The following SLMAP variants were observed in gnomAD, a reference collection of about 807,000 sequenced individuals.
The protein encoded by SLMAP is sarcolemma associated protein, also known as sarcolemmal membrane-associated protein.
A neutral mutation model predicts 128.8 loss-of-function variants in SLMAP; 44 were observed. That is an observed-to-expected ratio of 0.34 (90% CI 0.27 to 0.44). The LOEUF is 0.44. Among genes scored for constraint, SLMAP ranks in the 20% least tolerant of loss-of-function variants. SLMAP has a pLI of 1.00. For synonymous variants in SLMAP, 327 were observed against 348.8 expected, an observed-to-expected ratio of 0.94 and a Z score of 0.70; for missense variants, 787 against 985.3, an observed-to-expected ratio of 0.80 and a Z score of 2.69.
intron 3 of SLMAP, among the ~76,000 whole-genome samples, chr3:57,832,014 C>T (rs1480717278): frequency 6.6e-6 from 1 of 152,222 alleles, no homozygotes; most frequent in Non-Finnish European, 1.5e-5. Context: ...TTTCCTCACA[C>T]CAGTATCCTA....
Position 57,757,413 on chromosome 3 carries a change from T to C in SLMAP, c.-239T>C. 5 of 564,284 alleles carry C rather than the reference T, an allele frequency of 8.9e-6. No homozygotes were observed. In the South Asian group the frequency reaches 1.0e-4, roughly 12 times the overall value. 35.0% of individuals were successfully genotyped at this position (564,284 alleles called of 1,614,324 possible). A position where few individuals can be genotyped will look rare whatever the true frequency, so the allele number is the denominator to read the frequency against. On this transcript the variant is annotated 5_prime_UTR_variant, in exon 2 of 25. Coordinates refer to ENST00000671191, the MANE Select transcript of SLMAP (RefSeq NM_001377540.1). ...AAGAAGATGGACTGAAAGCTGCCAG[T>C]TGGGGACTTTTTGTGATCACGGCGT... is the stretch of plus-strand genomic sequence containing the variant.
chr3:57,885,142 G>A (rs898711814), intron 14 of SLMAP, among the ~76,000 whole-genome samples: 19 of 149,910 alleles, frequency 1.3e-4, no homozygotes, highest in Admixed American at 8.7e-4. Flanking sequence ...GCACAGTCTC[G>A]GCTCACCACA....
intron 2 of SLMAP, among the ~76,000 whole-genome samples, chr3:57,772,931 C>T (rs1378675707): frequency 2.0e-5 from 3 of 152,122 alleles, no homozygotes; most frequent in African/African-American, 4.8e-5. Flanking sequence ...TGAGCCATCA[C>T]GCCCAGCCTA....
chr3:57,870,221 A>G (rs967150730), intron 13 of SLMAP, among the ~76,000 whole-genome samples: 14 of 152,222 alleles, frequency 9.2e-5, no homozygotes, highest in African/African-American at 3.4e-4. Context: ...ATGTAGTTTG[A>G]GTTTTTAAAG....
At chr3:57,874,540 C>CAA (rs2095558180) in intron 14 of SLMAP, among the ~76,000 whole-genome samples, 1 of 151,656 alleles carries the variant, frequency 6.6e-6, no homozygotes, top group African/African-American at 2.4e-5. Context: ...AGGCAACATA[C>CAA]TGAGACTCCG....
At chr3:57,759,752 T>C (rs1006636167) in intron 2 of SLMAP, among the ~76,000 whole-genome samples, 3 of 152,240 alleles carry the variant, frequency 2.0e-5, no homozygotes, top group Non-Finnish European at 2.9e-5. Context: ...CAGTACATAC[T>C]CTGCGAATGC....
At chr3:57,841,458 C>A in intron 4 of SLMAP, 87 bp downstream of exon 4, 1 of 644,074 alleles carries the variant, frequency 1.6e-6, no homozygotes, top group Non-Finnish European at 2.7e-6. Context: ...TGGTGTACTG[C>A]TAATACCTGC....
In SLMAP at chr3:57,864,887, C is replaced by T. The variant is rs201082992; in HGVS notation, c.1186+30C>T. On this transcript the variant is annotated intron_variant, in intron 12 of 24. Coordinates refer to ENST00000671191, the MANE Select transcript of SLMAP (RefSeq NM_001377540.1). ...GTGGCATCCATATTTCTTACTTAAA[C>T]CTGAATTTTATCCTTAAACTTTTGA... 275 of 1,517,532 alleles carry T rather than the reference C, an allele frequency of 1.8e-4. 1 individual carries two copies. The highest frequency in any genetic ancestry group is 5.4e-5 in the Non-Finnish European group (61 of 1,130,186). The allele number at this position is 1,517,532 out of a possible 1,614,324, so 94.0% of individuals were successfully genotyped here.
chr3:57,872,478 G>A (rs1400443652), intron 14 of SLMAP, among the ~76,000 whole-genome samples: 1 of 151,996 alleles, frequency 6.6e-6, no homozygotes, highest in Non-Finnish European at 1.5e-5. Context: ...AATTAGCTGG[G>A]TGTGGTGGCA....
At chr3:57,784,420 T>C (rs924609593) in intron 2 of SLMAP, among the ~76,000 whole-genome samples, 6 of 152,158 alleles carry the variant, frequency 3.9e-5, no homozygotes, top group Non-Finnish European at 5.9e-5. Context: ...TTAAGACTTA[T>C]TGTTGTTTTT....
intron 8 of SLMAP, 149 bp from the exon 9 acceptor site, chr3:57,860,550 A>T (rs2095000040): frequency 1.9e-6 from 1 of 533,862 alleles, no homozygotes; most frequent in Non-Finnish European, 2.9e-6. Context: ...TTGTAAATAC[A>T]TCTTTAGTTA....
intron 8 of SLMAP, among the ~76,000 whole-genome samples, chr3:57,858,434 T>C (rs2094893503): frequency 6.6e-6 from 1 of 152,228 alleles, no homozygotes; most frequent in Non-Finnish European, 1.5e-5. Context: ...TGCATTGTTA[T>C]TTAAACATTT....
At chr3:57,769,578 G>C (rs1443137732) in intron 2 of SLMAP, among the ~76,000 whole-genome samples, 1 of 151,950 alleles carries the variant, frequency 6.6e-6, no homozygotes, top group African/African-American at 2.4e-5. Context: ...CCCACCTCAG[G>C]CTCCCAAAGT....
Position 57,879,659 on chromosome 3 carries a change from T to C in SLMAP, c.1300+7961T>C, listed in dbSNP as rs2095681231. Among the ~76,000 whole-genome samples, 3 of 152,078 alleles carry C rather than the reference T, an allele frequency of 2.0e-5. No individual in the cohort carries two copies. In the South Asian group the frequency reaches 6.2e-4, roughly 32 times the overall value. On this transcript the variant is annotated intron_variant, in intron 14 of 24. Transcript: ENST00000671191. ...AAATTAAATACCATGAAAGTCAGGA[T>C]AGGCCAGGCGCAGTGGCTCATGCCT...
chr3:57,886,566 G>T (rs973510312), intron 14 of SLMAP, among the ~76,000 whole-genome samples: 23 of 144,786 alleles, frequency 1.6e-4, no homozygotes, highest in African/African-American at 5.8e-4. Context: ...GAAAATATAA[G>T]AAAAAGGCAA....
chr3:57,783,900 C>T (rs1206272891), intron 2 of SLMAP, among the ~76,000 whole-genome samples: 3 of 152,166 alleles, frequency 2.0e-5, no homozygotes, highest in Non-Finnish European at 2.9e-5. Context: ...CTGTTCCCTG[C>T]ATTCTGTTGC....
chr3:57,785,261 T>TA (rs1300839081), intron 2 of SLMAP, among the ~76,000 whole-genome samples: 1 of 152,220 alleles, frequency 6.6e-6, no homozygotes, highest in African/African-American at 2.4e-5. Flanking sequence ...ATAGTTGCCT[T>TA]ACACCCTGAG....
intron 2 of SLMAP, among the ~76,000 whole-genome samples, chr3:57,801,806 T>TA (rs1376891756): frequency 6.6e-6 from 1 of 152,056 alleles, no homozygotes; most frequent in Non-Finnish European, 1.5e-5. Flanking sequence ...TACTTTCCAG[T>TA]AGTTTGTGCC....
At chr3:57,765,101 C>T (rs767792103) in intron 2 of SLMAP, among the ~76,000 whole-genome samples, 1 of 152,158 alleles carries the variant, frequency 6.6e-6, no homozygotes, top group Non-Finnish European at 1.5e-5. Context: ...CCTGTAATAT[C>T]AGCTACTTGG....
Sources: gnomAD v4.1 joint callset for allele counts (sites outside exome capture counted in the v4.1 genomes callset) on GRCh38, gnomAD v4.1.1 for gene constraint, MANE v1.5 for transcripts, NCBI Gene and HGNC (gene_info 2026-07-23, HGNC 2026-07-21) for gene names.